Variants in PCDHGB1 observed in about 807,000 individuals in gnomAD.
PCDHGB1 encodes protocadherin gamma-B1.
Under a neutral mutation model 56.6 loss-of-function variants are expected in PCDHGB1, and 34 were observed. That is an observed-to-expected ratio of 0.60 (90% confidence interval 0.46 to 0.80). PCDHGB1 has a LOEUF of 0.80. PCDHGB1 is among the 30% of genes least tolerant of loss of function. The probability of loss-of-function intolerance (pLI) is 0.00; values close to 1 mark genes in which losing one functional copy is unlikely to be tolerated. For synonymous variants in PCDHGB1, 561 were observed against 505.9 expected (o/e 1.11, Z -1.46); for missense variants, 1,278 against 1,204.6 (o/e 1.06, Z -0.90).
chr5:141,388,864 C>T (rs748559328), intron 1 of PCDHGB1: 15 of 1,613,736 alleles, frequency 9.3e-6, no homozygotes, highest in Middle Eastern at 1.6e-4. Flanking sequence ...GGAATGATTG[C>T]GCAATGCACA....
intron 1 of PCDHGB1, among the ~76,000 whole-genome samples, chr5:141,436,515 G>A (rs1393437693): frequency 6.6e-6 from 1 of 152,160 alleles, no homozygotes; most frequent in Non-Finnish European, 1.5e-5. Context: ...ATTGTTAACT[G>A]TGTCACCTTT....
At chr5:141,413,528 T>C in intron 1 of PCDHGB1, 1 of 1,613,834 alleles carries the variant, frequency 6.2e-7, no homozygotes, top group Non-Finnish European at 8.5e-7. Context: ...GAAGACAGGG[T>C]GAAACTTTTT....
chr5:141,368,061 A>G (rs781457436), intron 1 of PCDHGB1, among the ~76,000 whole-genome samples: 21 of 152,326 alleles, frequency 1.4e-4, no homozygotes, highest in Admixed American at 3.3e-4. Flanking sequence ...AAGAACTACT[A>G]TATTTCCCTT....
chr5:141,456,800 TA>T (rs1038857337), intron 1 of PCDHGB1, among the ~76,000 whole-genome samples: 2 of 151,846 alleles, frequency 1.3e-5, no homozygotes, highest in African/African-American at 4.8e-5. Flanking sequence ...CCATCTCTAC[TA>T]AAAATACAAA....
chr5:141,490,811 A>G lies in PCDHGB1; in HGVS notation c.2410-3996A>G, dbSNP rs750702067. The G allele has an allele frequency of 1.2e-6, 2 of 1,613,918 alleles. No homozygotes were observed. The highest frequency in any genetic ancestry group is 8.5e-7 in the Non-Finnish European group (1 of 1,179,884). On this transcript the variant is annotated intron_variant, in intron 1 of 3. Coordinates refer to ENST00000523390, the MANE Select transcript of PCDHGB1 (RefSeq NM_018922.3). This position sits in a 1 kb window ranked among gnomAD's most constrained non-coding sequence, Gnocchi z 5.4. ...ATCTTTGCCCAGCGTACCTTTGACTATGAATTGCTGCAGATGCTGCAGATT... is the reference window on the plus strand; with the variant it reads ...ATCTTTGCCCAGCGTACCTTTGACTGTGAATTGCTGCAGATGCTGCAGATT...
chr5:141,375,570 T>C, intron 1 of PCDHGB1: 2 of 1,614,014 alleles, frequency 1.2e-6, no homozygotes, highest in Non-Finnish European at 1.7e-6. Context: ...GAAGACACCC[T>C]CCAGGGGGCG....
rs773601370 is a variant in PCDHGB1, at chr5:141,355,595, G to A, written c.2409+2926G>A. On this transcript the variant is annotated intron_variant, in intron 1 of 3. Transcript: ENST00000523390. Reference sequence around the variant, plus strand: ...ATCGATGTTAATGATAACCCACCCAGTTTTGGGACAGAACAGAGGGAAATA... The same window carrying A: ...ATCGATGTTAATGATAACCCACCCAATTTTGGGACAGAACAGAGGGAAATA... The A allele has an allele frequency of 2.2e-5, 35 of 1,613,884 alleles. No individual in the cohort carries two copies. Among genetic ancestry groups the A allele is most frequent in the Non-Finnish European group, 2.9e-5 (34 of 1,179,882 alleles).
chr5:141,464,043 T>C (rs2099074643), intron 1 of PCDHGB1, among the ~76,000 whole-genome samples: 2 of 152,074 alleles, frequency 1.3e-5, no homozygotes, highest in African/African-American at 4.8e-5. Context: ...GGCGGGTGGA[T>C]CACCTGAGGT....
chr5:141,380,542 T>A lies in PCDHGB1; in HGVS notation c.2409+27873T>A, dbSNP rs182715146. 2.0e-5 allele frequency among the ~76,000 whole-genome samples: 3 copies of A among 152,362 alleles called. No individual in the cohort carries two copies. The East Asian group carries it at 5.8e-4, about 29-fold the overall frequency. On this transcript the variant is annotated intron_variant, in intron 1 of 3. Transcript: ENST00000523390. ...ATGAAATGATTTCAATTTGATACAA[T>A]GAGCTTATGTTAGATTTTATTAAAC...
intron 1 of PCDHGB1, among the ~76,000 whole-genome samples, chr5:141,430,380 T>C (rs1464446838): frequency 2.7e-5 from 4 of 147,890 alleles, no homozygotes; most frequent in Non-Finnish European, 4.5e-5. Flanking sequence ...AAAAGCTCAT[T>C]GGGAAAAAAA....
intron 1 of PCDHGB1, chr5:141,439,900 A>G (rs562278732): frequency 6.6e-5 from 10 of 152,362 alleles, no homozygotes; most frequent in African/African-American, 2.2e-4. Flanking sequence ...CAAGGCGACT[A>G]CTGCCTCCTT....
chr5:141,356,730 T>C, intron 1 of PCDHGB1: 1 of 1,613,992 alleles, frequency 6.2e-7, no homozygotes, highest in Middle Eastern at 1.6e-4. Context: ...TCAACTCCAA[T>C]ACAGGGATCC....
Position 141,487,858 on chromosome 5 carries a change from G to C in PCDHGB1, c.2410-6949G>C, listed in dbSNP as rs575288726. Reference sequence around the variant, plus strand: ...ATCTGAGTAAGAAATGAAAGTAATTGGTGATCAAGAGCCAGGCTGTTGTGG... The same window carrying C: ...ATCTGAGTAAGAAATGAAAGTAATTCGTGATCAAGAGCCAGGCTGTTGTGG... On this transcript the variant is annotated intron_variant, in intron 1 of 3. Transcript: ENST00000523390. The surrounding 1 kb of genome is among the most constrained non-coding windows in gnomAD (Gnocchi z 5.0). The C allele has an allele frequency of 3.8e-5, 36 of 953,250 alleles. No individual in the cohort carries two copies. The Middle Eastern group carries it at 1.3e-3, about 35-fold the overall frequency. 59.0% of individuals were successfully genotyped at this position (953,250 alleles called of 1,614,324 possible). A position where few individuals can be genotyped will look rare whatever the true frequency, so the allele number is the denominator to read the frequency against.
At chr5:141,395,896 A>C (rs1229120477) in intron 1 of PCDHGB1, 2 of 152,188 alleles carry the variant, frequency 1.3e-5, no homozygotes, top group Admixed American at 6.5e-5. Flanking sequence ...CCTGGGCTCC[A>C]TGCCCATGGA....
At position 141,383,548 on chromosome 5, in the gene PCDHGB1, G is replaced by A. The variant is rs768977528; in HGVS notation, c.2409+30879G>A. 33 of 1,612,508 alleles carry A rather than the reference G, an allele frequency of 2.0e-5. 1 individual carries two copies. In the Admixed American group the frequency reaches 2.3e-4, roughly 11 times the overall value. ...CCACCTGGTCCTCACAGCCTCTGATGGCGGCGACCCGCCCCGATCCAGCAC... is the reference window on the plus strand; with the variant it reads ...CCACCTGGTCCTCACAGCCTCTGATAGCGGCGACCCGCCCCGATCCAGCAC... On this transcript the variant is annotated intron_variant, in intron 1 of 3. Coordinates refer to ENST00000523390, the MANE Select transcript of PCDHGB1 (RefSeq NM_018922.3).
chr5:141,496,876 A>G (rs964149656), intron 2 of PCDHGB1, among the ~76,000 whole-genome samples: 1 of 149,154 alleles, frequency 6.7e-6, no homozygotes, highest in African/African-American at 2.5e-5. Flanking sequence ...AAAATTTGCA[A>G]CAAGTAACAC....
At chr5:141,395,177 T>C in intron 1 of PCDHGB1, 2 of 1,614,120 alleles carry the variant, frequency 1.2e-6, no homozygotes, top group South Asian at 2.2e-5. Flanking sequence ...GTGAGAAAAA[T>C]GATTCTTTGT....
intron 1 of PCDHGB1, chr5:141,403,257 G>A: frequency 6.2e-7 from 1 of 1,613,902 alleles, no homozygotes; most frequent in Non-Finnish European, 8.5e-7. Flanking sequence ...AGCCCGCGGT[G>A]TCTGGTGAAC....
Position 141,490,350 on chromosome 5 carries a change from G to T in PCDHGB1, c.2410-4457G>T. On this transcript the variant is annotated intron_variant, in intron 1 of 3. Transcript: ENST00000523390. This position sits in a 1 kb window ranked among gnomAD's most constrained non-coding sequence, Gnocchi z 5.4. Reference sequence around the variant, plus strand: ...GCACACCAGTGGGCACAGTAGTGGGGTTGTTTAATGTGCGAGACCGGGACT... The same window carrying T: ...GCACACCAGTGGGCACAGTAGTGGGTTTGTTTAATGTGCGAGACCGGGACT... 2 of 1,614,204 alleles carry T rather than the reference G, an allele frequency of 1.2e-6. No homozygotes were observed. The highest frequency in any genetic ancestry group is 1.7e-6 in the Non-Finnish European group (2 of 1,180,034).
Sources: allele counts gnomAD v4.1 joint callset (sites outside exome capture counted in the v4.1 genomes callset), GRCh38; gene constraint gnomAD v4.1.1; non-coding constraint Gnocchi (gnomAD v3.1); transcripts MANE v1.5; gene names NCBI Gene and HGNC (gene_info 2026-07-23, HGNC 2026-07-21).